The following CCSER1 variants were observed in gnomAD, a reference collection of about 807,000 sequenced individuals.
CCSER1 encodes the protein serine-rich coiled-coil domain-containing protein 1.
Under a neutral mutation model 82.0 loss-of-function variants are expected in CCSER1, and 41 were observed. The observed-to-expected ratio is 0.50, with a 90% CI of 0.39 to 0.65. The LOEUF (loss-of-function observed/expected upper bound fraction) is 0.65. Among genes scored for constraint, CCSER1 ranks in the 30% least tolerant of loss-of-function variants. The pLI is 0.00. For missense variants in CCSER1, 1,119 were observed against 1,064.2 expected (o/e 1.05, Z -0.72); for synonymous variants, 414 against 383.9 (o/e 1.08, Z -0.92).
chr4:91,057,810 G>T (rs1743587863), intron 9 of CCSER1, among the ~76,000 whole-genome samples: 1 of 152,086 alleles, frequency 6.6e-6, no homozygotes, highest in African/African-American at 2.4e-5. Context: ...CCATACATGT[G>T]TGTGAATTTG....
At chr4:91,443,065 T>C (rs34276159) in intron 10 of CCSER1, among the ~76,000 whole-genome samples, 16,162 of 151,602 alleles carry the variant, frequency 0.11, 981 homozygotes, top group Middle Eastern at 0.19. Flanking sequence ...GTCAGTGTGG[T>C]GATTCCTCAG....
chr4:91,284,391 T>G (rs75704447), intron 10 of CCSER1, among the ~76,000 whole-genome samples: 5,513 of 152,184 alleles, frequency 0.036, 324 homozygotes, highest in African/African-American at 0.12. Context: ...AAATTGAAAT[T>G]AATCTATAAA....
chr4:91,586,199 G>C (rs932016937), intron 10 of CCSER1, among the ~76,000 whole-genome samples: 8 of 151,582 alleles, frequency 5.3e-5, no homozygotes, highest in African/African-American at 1.9e-4. Flanking sequence ...AACCAGACAT[G>C]ATGCAATTAT....
intron 7 of CCSER1, among the ~76,000 whole-genome samples, chr4:90,807,897 T>A (rs539414423): frequency 4.6e-5 from 7 of 151,906 alleles, no homozygotes; most frequent in Admixed American, 6.6e-5. Context: ...GAAAAAAAAA[T>A]TTTAAAACTT....
intron 7 of CCSER1, among the ~76,000 whole-genome samples, chr4:90,804,755 A>T (rs1009682015): frequency 5.9e-5 from 9 of 152,236 alleles, no homozygotes; most frequent in Admixed American, 1.3e-4. Flanking sequence ...TATAAAATGT[A>T]TAAGACTGGA....
chr4:90,489,408 T>A (rs75430401), intron 5 of CCSER1, among the ~76,000 whole-genome samples: 2,447 of 152,232 alleles, frequency 0.016, 40 homozygotes, highest in African/African-American at 0.047. Context: ...TATATAGGAC[T>A]GGGGTAAAGA....
At chr4:90,757,584 T>G (rs1174052547) in intron 7 of CCSER1, among the ~76,000 whole-genome samples, 2 of 152,226 alleles carry the variant, frequency 1.3e-5, no homozygotes, top group Non-Finnish European at 2.9e-5. Context: ...ACCCTGGTTC[T>G]ACGTAGTGCT....
intron 9 of CCSER1, among the ~76,000 whole-genome samples, chr4:91,078,269 C>T (rs1432172031): frequency 1.3e-5 from 2 of 151,690 alleles, no homozygotes; most frequent in East Asian, 1.9e-4. Context: ...TAGGCAGCAA[C>T]ATTTGCTGTT....
intron 5 of CCSER1, among the ~76,000 whole-genome samples, chr4:90,510,781 A>T (rs1020769732): frequency 6.6e-6 from 1 of 152,204 alleles, no homozygotes; most frequent in African/African-American, 2.4e-5. Context: ...CAGAGAGATC[A>T]TAGAGCAAAG....
intron 4 of CCSER1, among the ~76,000 whole-genome samples, chr4:90,436,458 C>T (rs554306587): frequency 2.0e-5 from 3 of 152,256 alleles, no homozygotes; most frequent in African/African-American, 4.8e-5. Flanking sequence ...GTGCAAGGCA[C>T]ATTTGAAAAT....
chr4:90,964,274 AT>A (rs925688904), intron 9 of CCSER1, among the ~76,000 whole-genome samples: 12 of 152,016 alleles, frequency 7.9e-5, no homozygotes, highest in Non-Finnish European at 1.8e-4. Context: ...ATAAATTGTG[AT>A]TTTTTTTGTA....
chr4:91,199,212 A>T (rs1011332625), intron 10 of CCSER1, among the ~76,000 whole-genome samples: 3 of 152,138 alleles, frequency 2.0e-5, no homozygotes, highest in Admixed American at 6.6e-5. Flanking sequence ...CAAAGCACAG[A>T]AACTGAAAAT....
intron 10 of CCSER1, among the ~76,000 whole-genome samples, chr4:91,178,916 C>T (rs1733700629): frequency 6.6e-6 from 1 of 152,102 alleles, no homozygotes; most frequent in Non-Finnish European, 1.5e-5. Context: ...TACAATTTGT[C>T]ATGTTTTTGC....
intron 1 of CCSER1, among the ~76,000 whole-genome samples, chr4:90,144,342 A>G (rs1164801411): frequency 6.6e-6 from 1 of 152,210 alleles, no homozygotes; most frequent in African/African-American, 2.4e-5. Context: ...CCTATTAAAT[A>G]TGACATATAG....
chr4:90,238,141 A>C (rs965196466), intron 1 of CCSER1, among the ~76,000 whole-genome samples: 5 of 152,208 alleles, frequency 3.3e-5, no homozygotes, highest in African/African-American at 1.2e-4. Flanking sequence ...GTTTGTAAAA[A>C]AATGATTACT....
chr4:90,541,454 C>G (rs900442041), intron 5 of CCSER1, among the ~76,000 whole-genome samples: 5 of 152,074 alleles, frequency 3.3e-5, no homozygotes, highest in Non-Finnish European at 7.4e-5. Flanking sequence ...TTATCCCAAA[C>G]TCTATAAAGT....
At chr4:91,405,232 T>C (rs1051648196) in intron 10 of CCSER1, among the ~76,000 whole-genome samples, 41 of 152,230 alleles carry the variant, frequency 2.7e-4, no homozygotes, top group African/African-American at 9.9e-4. Context: ...GGTTTTTTTT[T>C]TTGTTTTCCA....
At chr4:90,332,054 T>C (rs1739385556) in intron 3 of CCSER1, among the ~76,000 whole-genome samples, 2 of 152,104 alleles carry the variant, frequency 1.3e-5, no homozygotes, top group South Asian at 4.1e-4. Flanking sequence ...CAAAACTCAG[T>C]TGCATATTAA....
intron 10 of CCSER1, among the ~76,000 whole-genome samples, chr4:91,200,972 G>C (rs1016289569): frequency 6.6e-6 from 1 of 151,882 alleles, no homozygotes; most frequent in African/African-American, 2.4e-5. Context: ...GAAATATCTG[G>C]TTGGCTAAAT....
Sources: gnomAD v4.1 joint callset for allele counts (sites outside exome capture counted in the v4.1 genomes callset) on GRCh38, gnomAD v4.1.1 for gene constraint, MANE v1.5 for transcripts, NCBI Gene and HGNC (gene_info 2026-07-23, HGNC 2026-07-21) for gene names.